The following SLC25A21 variants were observed in gnomAD, a reference collection of about 807,000 sequenced individuals.
SLC25A21 encodes the protein mitochondrial 2-oxodicarboxylate carrier.
In SLC25A21, 47 loss-of-function variants were observed where a neutral mutation model predicts 43.8. The ratio of observed to expected loss-of-function variants is 1.07; its 90% CI spans 0.85 to 1.37. The LOEUF (loss-of-function observed/expected upper bound fraction) is 1.37, where lower values mean the gene tolerates loss of function less well. Ranked by LOEUF, SLC25A21 falls within the 40% of genes most tolerant of loss-of-function variation. The probability of loss-of-function intolerance (pLI) is 0.00; values close to 1 mark genes in which losing one functional copy is unlikely to be tolerated. For synonymous variants in SLC25A21, 131 were observed against 121.3 expected (o/e 1.08, Z -0.52); for missense variants, 352 against 350.2 (o/e 1.00, Z -0.04).
intron 1 of SLC25A21, among the ~76,000 whole-genome samples, chr14:37,058,036 A>G (rs1164231590): frequency 6.6e-6 from 1 of 152,236 alleles, no homozygotes; most frequent in East Asian, 1.9e-4. Flanking sequence ...ATGAGATGTT[A>G]TTGCCAGCAC....
intron 4 of SLC25A21, among the ~76,000 whole-genome samples, chr14:36,732,220 T>C (rs1415624372): frequency 6.6e-6 from 1 of 151,934 alleles, no homozygotes; most frequent in Non-Finnish European, 1.5e-5. Flanking sequence ...TAATATCAAC[T>C]GAACATCTAG....
At chr14:36,803,558 C>A (rs1887938614) in intron 3 of SLC25A21, among the ~76,000 whole-genome samples, 1 of 152,192 alleles carries the variant, frequency 6.6e-6, no homozygotes, top group African/African-American at 2.4e-5. Context: ...AATAAACTCA[C>A]AACCTCTCTT....
At chr14:37,038,869 C>G (rs1961383411) in intron 1 of SLC25A21, among the ~76,000 whole-genome samples, 1 of 152,168 alleles carries the variant, frequency 6.6e-6, no homozygotes, top group Non-Finnish European at 1.5e-5. Context: ...CGACCAGGGT[C>G]TCCTAGCCTG....
intron 7 of SLC25A21, among the ~76,000 whole-genome samples, chr14:36,694,279 A>G (rs143051039): frequency 0.018 from 2,675 of 152,280 alleles, 36 homozygotes; most frequent in Non-Finnish European, 0.027. Context: ...TCCATGGTGT[A>G]TATGTGCCAC....
chr14:36,733,902 T>C (rs1884929679), intron 4 of SLC25A21, among the ~76,000 whole-genome samples: 1 of 152,110 alleles, frequency 6.6e-6, no homozygotes, highest in African/African-American at 2.4e-5. Context: ...AACTAGCAAG[T>C]AGTACATAAA....
At chr14:36,753,334 C>T (rs917460117) in intron 3 of SLC25A21, among the ~76,000 whole-genome samples, 1 of 151,904 alleles carries the variant, frequency 6.6e-6, no homozygotes, top group African/African-American at 2.4e-5. Context: ...GCTACTAATT[C>T]CAATTAGGTT....
rs140576946 is a variant in SLC25A21 at position 36,819,205 on chromosome 14, T to C, written c.120-5204A>G. Among the ~76,000 whole-genome samples the C allele has an allele frequency of 3.1e-3, 469 of 152,268 alleles. 4 individuals are homozygous for C. The highest frequency in any genetic ancestry group is 0.01 in the African/African-American group (429 of 41,546). ...GCCAGATACCTATCTGCCGCTGTTC[T>C]CATAGCCAAAGGACTGCACACACTT... is the stretch of plus-strand genomic sequence containing the variant. On this transcript the variant is annotated intron_variant, in intron 2 of 9. Transcript: ENST00000331299.
rs138173152 is a variant in SLC25A21 at position 37,000,677 on chromosome 14, T to C, written c.71-125673A>G. On this transcript the variant is annotated intron_variant, in intron 1 of 9. Transcript: ENST00000331299. ...CTCATATCAAATTGTAATCCCCACA[T>C]GTCAGGGGAGGGACCTGGTGCGAGG... Among the ~76,000 whole-genome samples, 21 of 152,292 alleles carry C rather than the reference T, an allele frequency of 1.4e-4. No homozygotes were observed. In the East Asian group the frequency reaches 3.9e-3, roughly 28 times the overall value.
At chr14:36,977,537 C>CA (rs1274171263) in intron 1 of SLC25A21, among the ~76,000 whole-genome samples, 1 of 152,162 alleles carries the variant, frequency 6.6e-6, no homozygotes, top group African/African-American at 2.4e-5. Context: ...GGCCTCCTAC[C>CA]AAACTCCTGG....
intron 1 of SLC25A21, among the ~76,000 whole-genome samples, chr14:36,878,112 T>C (rs771963092): frequency 2.0e-5 from 3 of 152,012 alleles, no homozygotes; most frequent in Non-Finnish European, 2.9e-5. Context: ...GTCCCAGCCC[T>C]CTCTCCATTG....
chr14:36,763,199 G>A (rs1190747134), intron 3 of SLC25A21, among the ~76,000 whole-genome samples: 3 of 152,206 alleles, frequency 2.0e-5, no homozygotes, highest in Non-Finnish European at 4.4e-5. Context: ...CTGATTCTGA[G>A]ATAGTATTTA....
At chr14:36,906,773 G>A (rs1242628593) in intron 1 of SLC25A21, among the ~76,000 whole-genome samples, 1 of 152,084 alleles carries the variant, frequency 6.6e-6, no homozygotes, top group Non-Finnish European at 1.5e-5. Flanking sequence ...AAAGTGCTGG[G>A]ATTACAGGTG....
intron 7 of SLC25A21, among the ~76,000 whole-genome samples, chr14:36,709,552 C>T (rs1855657166): frequency 6.6e-6 from 1 of 152,138 alleles, no homozygotes; most frequent in African/African-American, 2.4e-5. Flanking sequence ...ACACTGTGGC[C>T]AATCAAGGAT....
intron 2 of SLC25A21, among the ~76,000 whole-genome samples, chr14:36,858,217 G>T (rs765322561): frequency 6.6e-6 from 1 of 152,052 alleles, no homozygotes; most frequent in Non-Finnish European, 1.5e-5. Context: ...CAGGGCTGTG[G>T]TGTCTCCATC....
At chr14:36,698,379 C>G (rs1219714418) in intron 7 of SLC25A21, among the ~76,000 whole-genome samples, 1 of 152,126 alleles carries the variant, frequency 6.6e-6, no homozygotes, top group Admixed American at 6.5e-5. Context: ...GTGAATCTGA[C>G]AATTATGTGT....
At chr14:37,163,457 T>C (rs1489983346) in intron 1 of SLC25A21, among the ~76,000 whole-genome samples, 1 of 152,072 alleles carries the variant, frequency 6.6e-6, no homozygotes, top group Non-Finnish European at 1.5e-5. Context: ...TAAACCATGA[T>C]AACATCAAAG....
rs79593797 is a variant in SLC25A21, at chr14:37,083,753, G to A, written c.70+88528C>T. On this transcript the variant is annotated intron_variant, in intron 1 of 9. Transcript: ENST00000331299. The stretch of plus-strand genomic sequence containing the variant: ...CTGCTGAATCACAGTTTTAGGGAGC[G>A]GGACCCAGCCATCTATGTTTAACCA... 7.0e-4 allele frequency among the ~76,000 whole-genome samples: 107 copies of A among 152,224 alleles called. 1 individual carries two copies. The highest frequency in any genetic ancestry group is 2.4e-3 in the African/African-American group (99 of 41,546).
chr14:36,869,756 T>G (rs1720022854), intron 2 of SLC25A21, among the ~76,000 whole-genome samples: 1 of 152,162 alleles, frequency 6.6e-6, no homozygotes, highest in Non-Finnish European at 1.5e-5. Flanking sequence ...TCCTTAACAG[T>G]GGGACCCTCC....
rs565359052 is a variant in SLC25A21, at chr14:36,695,869, T to C, written c.604-10944A>G. 5.9e-5 allele frequency among the ~76,000 whole-genome samples: 9 copies of C among 152,332 alleles called. 1 individual carries two copies. In the South Asian group the frequency reaches 1.2e-3, roughly 21 times the overall value. On this transcript the variant is annotated intron_variant, in intron 7 of 9. Coordinates refer to ENST00000331299, the MANE Select transcript of SLC25A21 (RefSeq NM_030631.4). Reference sequence around the variant, plus strand: ...CATCTGCAAACAGAGACAATTTGACTTCCTCATTTTCTAATTGAATACCCT... The same window carrying C: ...CATCTGCAAACAGAGACAATTTGACCTCCTCATTTTCTAATTGAATACCCT...
Sources: allele counts gnomAD v4.1 joint callset (sites outside exome capture counted in the v4.1 genomes callset), GRCh38; gene constraint gnomAD v4.1.1; transcripts MANE v1.5; gene names NCBI Gene and HGNC (gene_info 2026-07-23, HGNC 2026-07-21).